The following PRKCA variants were observed in gnomAD, a reference collection of about 807,000 sequenced individuals.
PRKCA encodes the protein protein kinase C alpha.
A neutral mutation model predicts 87.0 loss-of-function variants in PRKCA; 27 were observed. The observed-to-expected ratio is 0.31, with a 90% CI of 0.23 to 0.43. The LOEUF is 0.43. Among genes scored for constraint, PRKCA ranks in the 20% least tolerant of loss-of-function variants. PRKCA has a pLI of 1.00. For missense variants in PRKCA, 518 were observed against 852.3 expected (o/e 0.61, Z 4.88); for synonymous variants, 329 against 311.1 (o/e 1.06, Z -0.61).
intron 3 of PRKCA, among the ~76,000 whole-genome samples, chr17:66,562,008 C>A (rs1968694920): frequency 6.8e-6 from 1 of 147,486 alleles, no homozygotes; most frequent in South Asian, 2.1e-4. Context: ...TGCCATACAA[C>A]TGTACACTTA....
rs148382887 is a variant in PRKCA, at chr17:66,544,839, C to T, written c.288+48556C>T. Among the ~76,000 whole-genome samples the T allele has an allele frequency of 1.9e-3, 282 of 152,072 alleles. 7 individuals are homozygous for T. The East Asian group carries it at 0.051, about 27-fold the overall frequency. On this transcript the variant is annotated intron_variant, in intron 3 of 16. Coordinates refer to ENST00000413366, the MANE Select transcript of PRKCA (RefSeq NM_002737.3). ...AACTCTTGACCTCAGGTGATCCACCCGCCTCGGCCTCCCAAAGTGCTGGGA... is the reference window on the plus strand; with the variant it reads ...AACTCTTGACCTCAGGTGATCCACCTGCCTCGGCCTCCCAAAGTGCTGGGA...
chr17:66,786,793 T>C (rs143145347), intron 14 of PRKCA, 74 bp from the exon 15 acceptor site: 1 of 1,208,248 alleles, frequency 8.3e-7, no homozygotes, highest in Non-Finnish European at 1.2e-6. Flanking sequence ...TGGTGCTGAA[T>C]TGGCTCTTCA....
chr17:66,580,771 C>T (rs952169697), intron 3 of PRKCA, among the ~76,000 whole-genome samples: 19 of 152,324 alleles, frequency 1.2e-4, no homozygotes, highest in Non-Finnish European at 7.4e-5. Context: ...CGCCACCCTG[C>T]GCCCTTCTTG....
chr17:66,656,085 G>C (rs1415250788), intron 5 of PRKCA, among the ~76,000 whole-genome samples: 1 of 152,120 alleles, frequency 6.6e-6, no homozygotes, highest in Non-Finnish European at 1.5e-5. Context: ...TTCACTCTGG[G>C]TGCTTAGTCA....
chr17:66,751,466 C>A (rs1217127661), intron 13 of PRKCA, among the ~76,000 whole-genome samples: 1 of 152,232 alleles, frequency 6.6e-6, no homozygotes, highest in Non-Finnish European at 1.5e-5. Context: ...CAAATCATAT[C>A]TGTAGAGATC....
rs147392691 is a variant in PRKCA, at chr17:66,417,770, G to C, written c.206-78431G>C. Among the ~76,000 whole-genome samples the C allele has an allele frequency of 2.2e-3, 331 of 152,220 alleles. 1 individual carries two copies. The highest frequency in any genetic ancestry group is 7.6e-3 in the African/African-American group (315 of 41,532). On this transcript the variant is annotated intron_variant, in intron 2 of 16. Coordinates refer to ENST00000413366, the MANE Select transcript of PRKCA (RefSeq NM_002737.3). Reference sequence around the variant, plus strand: ...CACAGGACTTTTCCTGATAGAGATAGTTATTCCTCTGTTGAAATCCAATTT... The same window carrying C: ...CACAGGACTTTTCCTGATAGAGATACTTATTCCTCTGTTGAAATCCAATTT...
At chr17:66,488,495 C>T (rs962836112) in intron 2 of PRKCA, among the ~76,000 whole-genome samples, 4 of 152,140 alleles carry the variant, frequency 2.6e-5, no homozygotes, top group East Asian at 1.9e-4. Flanking sequence ...TTGCTCTGGC[C>T]GGGAGCTTGG....
At chr17:66,331,727 G>A (rs1906336427) in intron 2 of PRKCA, among the ~76,000 whole-genome samples, 1 of 152,152 alleles carries the variant, frequency 6.6e-6, no homozygotes, top group South Asian at 2.1e-4. Flanking sequence ...GTGGGGACAG[G>A]GGAAGTGGAG....
At chr17:66,749,256 C>T (rs1974375206) in intron 13 of PRKCA, among the ~76,000 whole-genome samples, 1 of 151,988 alleles carries the variant, frequency 6.6e-6, no homozygotes, top group South Asian at 2.1e-4. Flanking sequence ...ACCTGCCTCC[C>T]CGCCCCATTC....
At chr17:66,398,260 A>C (rs1283869852) in intron 2 of PRKCA, 3 of 152,182 alleles carry the variant, frequency 2.0e-5, no homozygotes, top group African/African-American at 4.8e-5. Context: ...GTAACGCTTA[A>C]AACCATGAAG....
intron 5 of PRKCA, among the ~76,000 whole-genome samples, chr17:66,682,686 G>A (rs943088925): frequency 2.0e-5 from 3 of 151,162 alleles, no homozygotes; most frequent in South Asian, 2.1e-4. Context: ...TCAATAGTGT[G>A]TGTATCTAAG....
At chr17:66,716,785 C>T (rs570886870) in intron 8 of PRKCA, among the ~76,000 whole-genome samples, 3 of 152,354 alleles carry the variant, frequency 2.0e-5, no homozygotes, top group Admixed American at 6.5e-5. Flanking sequence ...AGTGCCAACA[C>T]GTCAGGGTCC....
intron 8 of PRKCA, among the ~76,000 whole-genome samples, chr17:66,701,077 G>A (rs1204572789): frequency 6.6e-6 from 1 of 152,108 alleles, no homozygotes; most frequent in Non-Finnish European, 1.5e-5. Flanking sequence ...AACACAGTAT[G>A]GTACTGGCAT....
intron 3 of PRKCA, among the ~76,000 whole-genome samples, chr17:66,512,258 A>G (rs1490138806): frequency 6.6e-6 from 1 of 151,978 alleles, no homozygotes; most frequent in Non-Finnish European, 1.5e-5. Flanking sequence ...CCTGGCCAAC[A>G]TGGTGAAACC....
intron 2 of PRKCA, among the ~76,000 whole-genome samples, chr17:66,372,150 T>G (rs530947444): frequency 3.9e-5 from 6 of 152,324 alleles, no homozygotes; most frequent in African/African-American, 1.2e-4. Context: ...CTTCTGCATC[T>G]GAGATCCTGA....
At chr17:66,514,068 C>G (rs991652979) in intron 3 of PRKCA, among the ~76,000 whole-genome samples, 4 of 152,106 alleles carry the variant, frequency 2.6e-5, no homozygotes, top group Non-Finnish European at 5.9e-5. Flanking sequence ...TTATTACATA[C>G]AGTATATTAG....
At chr17:66,374,581 A>G (rs905193998) in intron 2 of PRKCA, among the ~76,000 whole-genome samples, 3 of 152,090 alleles carry the variant, frequency 2.0e-5, no homozygotes, top group South Asian at 2.1e-4. Context: ...AAGCAAGCAA[A>G]CAATCAAGTC....
rs531279172 is a variant in PRKCA at position 66,440,767 on chromosome 17, G to A, written c.206-55434G>A. Among the ~76,000 whole-genome samples, 20 of 152,134 alleles carry A rather than the reference G, an allele frequency of 1.3e-4. 1 individual carries two copies. The South Asian group carries it at 2.1e-3, about 16-fold the overall frequency. On this transcript the variant is annotated intron_variant, in intron 2 of 16. Coordinates refer to ENST00000413366, the MANE Select transcript of PRKCA (RefSeq NM_002737.3). ...TTGGTTGGGCATGATGACTCAGGCC[G>A]GGAACCCCAGCACTTTGGGAGGCTG...
intron 3 of PRKCA, among the ~76,000 whole-genome samples, chr17:66,526,526 G>A (rs1185210963): frequency 6.6e-6 from 1 of 152,104 alleles, no homozygotes; most frequent in Non-Finnish European, 1.5e-5. Context: ...AGCTAGCTTG[G>A]GTGTGCTCTT....
Sources: allele counts gnomAD v4.1 joint callset (sites outside exome capture counted in the v4.1 genomes callset), GRCh38; gene constraint gnomAD v4.1.1; transcripts MANE v1.5; gene names NCBI Gene and HGNC (gene_info 2026-07-23, HGNC 2026-07-21).